TICAM2: variants seen among roughly 807,000 people sequenced by gnomAD.
TICAM2 encodes TIR domain-containing adapter molecule 2.
TICAM2 carries 8 observed loss-of-function variants against 7.3 expected under a neutral mutation model. That is an observed-to-expected ratio of 1.10 (90% CI 0.65 to 1.99). The LOEUF is 1.99. Among genes scored for constraint, TICAM2 ranks in the 30% most tolerant of loss-of-function variants. The probability of loss-of-function intolerance (pLI) is 0.00; values close to 1 mark genes in which losing one functional copy is unlikely to be tolerated. For synonymous variants in TICAM2, 113 were observed against 99.6 expected (o/e 1.13, Z -0.80); for missense variants, 304 against 278.8 (o/e 1.09, Z -0.65).
At chr5:115,594,292 A>C (rs879611702) in intron 1 of TICAM2, among the ~76,000 whole-genome samples, 1 of 152,226 alleles carries the variant, frequency 6.6e-6, no homozygotes, top group Admixed American at 6.5e-5. Flanking sequence ...GCTTGCTTTA[A>C]ACTGTGTGTA....
chr5:115,581,597 T>C (rs751863799), intron 1 of TICAM2: 58 of 341,090 alleles, frequency 1.7e-4, no homozygotes, highest in Non-Finnish European at 2.5e-4. Context: ...AACCTCCAGA[T>C]TGAAATAAAT....
intron 1 of TICAM2, among the ~76,000 whole-genome samples, chr5:115,592,145 T>C (rs930163208): frequency 5.3e-5 from 8 of 152,222 alleles, no homozygotes; most frequent in African/African-American, 1.2e-4. Flanking sequence ...TAGAGTCATA[T>C]ACAAAGTAAA....
At chr5:115,592,276 C>T (rs1022065552) in intron 1 of TICAM2, among the ~76,000 whole-genome samples, 27 of 152,208 alleles carry the variant, frequency 1.8e-4, no homozygotes, top group African/African-American at 4.6e-4. Context: ...AAAGCTGAGA[C>T]GAAATAAACA....
chr5:115,581,902 C>T (rs1454796511), intron 1 of TICAM2: 1 of 152,560 alleles, frequency 6.6e-6, no homozygotes, highest in Non-Finnish European at 1.5e-5. Context: ...TGTCTGGAGT[C>T]AGGCATTGTG....
At chr5:115,590,780 T>C (rs1266558971) in intron 1 of TICAM2, among the ~76,000 whole-genome samples, 29 of 152,354 alleles carry the variant, frequency 1.9e-4, no homozygotes, top group Non-Finnish European at 1.5e-5. Context: ...TCCAAAGATA[T>C]AGGCTACAAA....
rs1045039149 is a variant in TICAM2, at chr5:115,580,431, G to T, written c.*118C>A. ...AATTTATCTTTCTTGTGCTCCATAGGTTTCTTTAAGGTGAAGACTCTCTTT... is the reference window on the plus strand; with the variant it reads ...AATTTATCTTTCTTGTGCTCCATAGTTTTCTTTAAGGTGAAGACTCTCTTT... On this transcript the variant is annotated 3_prime_UTR_variant, in exon 2 of 2. Transcript: ENST00000427199. 3.5e-5 allele frequency: 44 copies of T among 1,271,196 alleles called. No individual in the cohort carries two copies. Among genetic ancestry groups the T allele is most frequent in the Non-Finnish European group, 4.2e-5 (41 of 976,634 alleles). The allele number at this position is 1,271,196 out of a possible 1,614,324, so 78.7% of individuals were successfully genotyped here.
At chr5:115,599,853 TTTTTTTTTTC>T (rs1193412427) in intron 1 of TICAM2, among the ~76,000 whole-genome samples, 4 of 148,830 alleles carry the variant, frequency 2.7e-5, no homozygotes, top group African/African-American at 1.0e-4. Context: ...TTTTCTTTTC[TTTTTTTTTTC>T]TTTCTTTTTT....
chr5:115,585,546 T>A (rs1755072700), intron 1 of TICAM2, among the ~76,000 whole-genome samples: 1 of 152,166 alleles, frequency 6.6e-6, no homozygotes, highest in Admixed American at 6.5e-5. Flanking sequence ...ATAACCTTGC[T>A]CTAGGAGGTA....
intron 1 of TICAM2, among the ~76,000 whole-genome samples, chr5:115,601,469 A>G (rs533283221): frequency 1.3e-5 from 2 of 152,196 alleles, no homozygotes; most frequent in African/African-American, 2.4e-5. Flanking sequence ...ATGTGGGTTC[A>G]GGGGATGACA....
At chr5:115,594,091 G>C (rs1201178396) in intron 1 of TICAM2, among the ~76,000 whole-genome samples, 1 of 152,142 alleles carries the variant, frequency 6.6e-6, no homozygotes, top group East Asian at 1.9e-4. Flanking sequence ...TCTTCTGCCA[G>C]GATGTCCAGC....
chr5:115,581,003 T>G lies in TICAM2; in HGVS notation c.254A>C (p.His85Pro). 1 of 1,614,080 alleles carries G rather than the reference T, an allele frequency of 6.2e-7. No homozygotes were observed. Among genetic ancestry groups the G allele is most frequent in the Non-Finnish European group, 8.5e-7 (1 of 1,179,978 alleles). ...GGCTTCATCTGTGTCATCTTCTGCA[T>G]GCAATATCACAAATTTGAGGAACAC... The part of the protein sequence containing the change: ...EEVFLKFVIL[H>P]AEDDTDEALR... Residue 85 changes from histidine (H) to proline (P), a missense_variant, in exon 2 of 2, where the codon CAT (histidine) becomes CCT (proline). Coordinates refer to ENST00000427199, the MANE Select transcript of TICAM2 (RefSeq NM_021649.7).
intron 1 of TICAM2, among the ~76,000 whole-genome samples, chr5:115,584,137 C>T (rs1277125864): frequency 6.6e-6 from 1 of 152,134 alleles, no homozygotes; most frequent in Non-Finnish European, 1.5e-5. Flanking sequence ...CACTGTTTCT[C>T]TATGAATATA....
At chr5:115,600,812 TTTTG>T (rs796876852) in intron 1 of TICAM2, among the ~76,000 whole-genome samples, 35 of 152,220 alleles carry the variant, frequency 2.3e-4, no homozygotes, top group African/African-American at 8.2e-4. Context: ...CAAAGAGGAT[TTTTG>T]TTTGTTATAA....
intron 1 of TICAM2, among the ~76,000 whole-genome samples, chr5:115,600,612 T>C (rs1419386983): frequency 8.6e-5 from 13 of 151,842 alleles, no homozygotes; most frequent in Admixed American, 8.5e-4. Context: ...AAAAAGAATA[T>C]TGAGGAGGGA....
chr5:115,591,527 C>T (rs1457139656), intron 1 of TICAM2, among the ~76,000 whole-genome samples: 1 of 151,502 alleles, frequency 6.6e-6, no homozygotes, highest in African/African-American at 2.4e-5. Context: ...TGTGATTGCA[C>T]AAGAGGAGGA....
intron 1 of TICAM2, among the ~76,000 whole-genome samples, chr5:115,582,780 A>G (rs1754975145): frequency 6.6e-6 from 1 of 152,230 alleles, no homozygotes; most frequent in African/African-American, 2.4e-5. Flanking sequence ...AACATTCATA[A>G]CAACATAAGT....
chr5:115,579,519 A>T lies in TICAM2; in HGVS notation c.*1030T>A, dbSNP rs148011713. On this transcript the variant is annotated 3_prime_UTR_variant, in exon 2 of 2. Coordinates refer to ENST00000427199, the MANE Select transcript of TICAM2 (RefSeq NM_021649.7). ...GATGCTCCCTCAATCTCAGATGGGC[A>T]GAAGGGCTGTGGAGGAAAGAAACAA... is the stretch of plus-strand genomic sequence containing the variant. 2 of 152,338 alleles carry T rather than the reference A, an allele frequency of 1.3e-5. No homozygotes were observed. Among genetic ancestry groups the T allele is most frequent in the East Asian group, 3.9e-4 (2 of 5,188 alleles). 9.4% of individuals were successfully genotyped at this position (152,338 alleles called of 1,614,324 possible). A position where few individuals can be genotyped will look rare whatever the true frequency, so the allele number is the denominator to read the frequency against.
chr5:115,579,579 T>C lies in TICAM2; in HGVS notation c.*970A>G, dbSNP rs1025863530. Reference sequence around the variant, plus strand: ...GGGCCTCTCTGGCTTGTTAGGAGCATGGGGCTCTAGAATAGGAGGTAATAA... The same window carrying C: ...GGGCCTCTCTGGCTTGTTAGGAGCACGGGGCTCTAGAATAGGAGGTAATAA... On this transcript the variant is annotated 3_prime_UTR_variant, in exon 2 of 2. Transcript: ENST00000427199. The C allele has an allele frequency of 2.6e-5, 4 of 152,198 alleles. No homozygotes were observed. Among genetic ancestry groups the C allele is most frequent in the Admixed American group, 1.3e-4 (2 of 15,282 alleles). The allele number at this position is 152,198 out of a possible 1,614,324, so 9.4% of individuals were successfully genotyped here.
chr5:115,581,218 AAG>A lies in TICAM2; in HGVS notation c.37_38del (p.Leu13PhefsTer6). The A allele has an allele frequency of 6.2e-7, 1 of 1,611,564 alleles. No individual in the cohort carries two copies. Among genetic ancestry groups the A allele is most frequent in the Non-Finnish European group, 8.5e-7 (1 of 1,179,976 alleles). Reference sequence around the variant, plus strand: ...TGTGCCTTTTACCCCAAGAGAGAGAAAGAGGGCAGGAATTTATTTTAGACTTC... The same window carrying A: ...TGTGCCTTTTACCCCAAGAGAGAGAAAGGGCAGGAATTTATTTTAGACTTC... ...IGKSKINSCP[L>X]SLSWGKRHSV... On this transcript the variant is annotated frameshift_variant, in exon 2 of 2. Transcript: ENST00000427199. LOFTEE classifies it low-confidence loss of function (END_TRUNC).
Sources: gnomAD v4.1 joint callset for allele counts (sites outside exome capture counted in the v4.1 genomes callset) on GRCh38, gnomAD v4.1.1 for gene constraint, MANE v1.5 for transcripts, NCBI Gene and HGNC (gene_info 2026-07-23, HGNC 2026-07-21) for gene names.